ADGRF5: variants seen among roughly 807,000 people sequenced by gnomAD.
ADGRF5 encodes the protein G-protein coupled receptor 116.
Under a neutral mutation model 132.3 loss-of-function variants are expected in ADGRF5, and 75 were observed. The observed-to-expected ratio is 0.57, with a 90% CI of 0.47 to 0.69. ADGRF5 has a LOEUF of 0.69. Among genes scored for constraint, ADGRF5 ranks in the 30% least tolerant of loss-of-function variants. ADGRF5 has a pLI of 0.00. For missense variants in ADGRF5, 1,516 were observed against 1,630.6 expected (o/e 0.93, Z 1.21); for synonymous variants, 629 against 597.6 (o/e 1.05, Z -0.77).
At position 46,913,871 on chromosome 6, in the gene ADGRF5, T is replaced by C. The variant is rs190488860; in HGVS notation, c.-24-7085A>G. ...ATTAGTACAAAATCAAGGGAAATCA[T>C]ACCTCTTACTAAACCTTGGCCTGCA... On this transcript the variant is annotated intron_variant, in intron 1 of 20. Transcript: ENST00000283296. Among the ~76,000 whole-genome samples the C allele has an allele frequency of 3.9e-5, 6 of 152,338 alleles. No individual in the cohort carries two copies. The South Asian group carries it at 6.2e-4, about 16-fold the overall frequency.
chr6:46,907,584 G>T (rs1205991970), intron 1 of ADGRF5, among the ~76,000 whole-genome samples: 1 of 151,992 alleles, frequency 6.6e-6, no homozygotes, highest in Non-Finnish European at 1.5e-5. Flanking sequence ...AATCATTTTT[G>T]ACATTTTTTC....
In ADGRF5 at chr6:46,906,713, T is replaced by A. The variant is rs1775416196; in HGVS notation, c.50A>T (p.Tyr17Phe). 1 of 1,608,768 alleles carries A rather than the reference T, an allele frequency of 6.2e-7. No individual in the cohort carries two copies. The highest frequency in any genetic ancestry group is 8.5e-7 in the Non-Finnish European group (1 of 1,175,166). ...TTLCLMFIVI[Y>F]SSKAALNWNY... is the part of the protein sequence containing the mutation. ...CCAGTTCAGTGCAGCTTTGGAAGAATAAATCACAATAAACATGAGGCACAA... is the reference window on the plus strand; with the variant it reads ...CCAGTTCAGTGCAGCTTTGGAAGAAAAAATCACAATAAACATGAGGCACAA... The change falls in exon 2 of 21, where the codon TAT (tyrosine) becomes TTT (phenylalanine). Residue 17 changes from tyrosine to phenylalanine, a missense_variant. Coordinates refer to ENST00000283296, the MANE Select transcript of ADGRF5 (RefSeq NM_001098518.2).
At chr6:46,951,958 A>G (rs761752) in intron 1 of ADGRF5, among the ~76,000 whole-genome samples, 103,228 of 152,092 alleles carry the variant, frequency 0.68, 35,286 homozygotes, top group East Asian at 0.86. Context: ...CTTCCAAATT[A>G]CCATGAAGCA....
At chr6:46,942,422 C>T (rs1232947088) in intron 1 of ADGRF5, among the ~76,000 whole-genome samples, 4 of 152,210 alleles carry the variant, frequency 2.6e-5, no homozygotes, top group Admixed American at 2.6e-4. Flanking sequence ...AAAGCATGGG[C>T]TATGGCATGA....
At chr6:46,928,616 A>G (rs978051499) in intron 1 of ADGRF5, among the ~76,000 whole-genome samples, 1 of 152,068 alleles carries the variant, frequency 6.6e-6, no homozygotes, top group African/African-American at 2.4e-5. Flanking sequence ...GGGATAACAA[A>G]CATATTCCAC....
chr6:46,912,191 T>A (rs776653546), intron 1 of ADGRF5, among the ~76,000 whole-genome samples: 1 of 152,170 alleles, frequency 6.6e-6, no homozygotes, highest in Non-Finnish European at 1.5e-5. Context: ...CAAGAGCCCA[T>A]CCCTTTAACC....
chr6:46,905,950 G>T (rs1447395665), intron 2 of ADGRF5, among the ~76,000 whole-genome samples: 3 of 152,178 alleles, frequency 2.0e-5, no homozygotes. Context: ...TTGTACAGAT[G>T]AAGAAATTGA....
Position 46,893,969 on chromosome 6 carries a change from C to T in ADGRF5, c.158-5464G>A, listed in dbSNP as rs1773923019. On this transcript the variant is annotated intron_variant, in intron 3 of 20. Coordinates refer to ENST00000283296, the MANE Select transcript of ADGRF5 (RefSeq NM_001098518.2). Reference sequence around the variant, plus strand: ...TCTTAATCACAGCTGTTTAAGCAAACAATTCTACTTTTGCCTGGAAACACT... The same window carrying T: ...TCTTAATCACAGCTGTTTAAGCAAATAATTCTACTTTTGCCTGGAAACACT... Among the ~76,000 whole-genome samples, 3 of 152,320 alleles carry T rather than the reference C, an allele frequency of 2.0e-5. No individual in the cohort carries two copies. The South Asian group carries it at 6.2e-4, about 32-fold the overall frequency.
intron 12 of ADGRF5, 61 bp downstream of exon 12, chr6:46,868,822 C>T (rs1770743910): frequency 1.9e-6 from 2 of 1,047,482 alleles, no homozygotes; most frequent in Non-Finnish European, 2.9e-6. Context: ...CAGATGGTAA[C>T]TATTATTGCA....
At chr6:46,918,378 A>C (rs893554087) in intron 1 of ADGRF5, among the ~76,000 whole-genome samples, 3 of 152,224 alleles carry the variant, frequency 2.0e-5, no homozygotes, top group Non-Finnish European at 4.4e-5. Context: ...AAGAAATGTC[A>C]GTGGGGAAAA....
rs546633721 is a variant in ADGRF5, at chr6:46,920,960, T to G, written c.-25+753A>C. 1.7e-3 allele frequency among the ~76,000 whole-genome samples: 264 copies of G among 152,300 alleles called. 1 individual carries two copies. Among genetic ancestry groups the G allele is most frequent in the Admixed American group, 4.5e-3 (69 of 15,296 alleles). ...TGTGTAATTCAAAAATAACCTACATTGAAAAACCAACTACGTTAGCCCTTT... is the reference window on the plus strand; with the variant it reads ...TGTGTAATTCAAAAATAACCTACATGGAAAAACCAACTACGTTAGCCCTTT... On this transcript the variant is annotated intron_variant, in intron 1 of 20. Coordinates refer to ENST00000283296, the MANE Select transcript of ADGRF5 (RefSeq NM_001098518.2).
chr6:46,953,222 A>G (rs1173469376), intron 1 of ADGRF5, among the ~76,000 whole-genome samples: 1 of 152,198 alleles, frequency 6.6e-6, no homozygotes, highest in Non-Finnish European at 1.5e-5. Flanking sequence ...TGGGGAGGGA[A>G]TAAAGAATTT....
chr6:46,884,344 A>T (rs1554202796), intron 4 of ADGRF5, 73 bp from the exon 5 acceptor site: 16 of 1,182,934 alleles, frequency 1.4e-5, no homozygotes, highest in Non-Finnish European at 1.8e-5. Flanking sequence ...TATAGCCTGC[A>T]GGTATTCATT....
intron 1 of ADGRF5, among the ~76,000 whole-genome samples, chr6:46,949,361 G>A (rs921954621): frequency 2.6e-5 from 4 of 152,166 alleles, no homozygotes; most frequent in African/African-American, 9.7e-5. Context: ...AGAAAGCTCT[G>A]GGGCTGCCTG....
intron 3 of ADGRF5, among the ~76,000 whole-genome samples, chr6:46,899,481 G>A (rs545310533): frequency 6.6e-6 from 1 of 152,006 alleles, no homozygotes; most frequent in African/African-American, 2.4e-5. Flanking sequence ...TTTGAGGGTC[G>A]GTGTTTCAGA....
intron 11 of ADGRF5, chr6:46,870,884 T>C (rs1214055287): frequency 9.2e-6 from 4 of 432,762 alleles, no homozygotes; most frequent in Middle Eastern, 3.3e-4. Flanking sequence ...TTTTCTGTAG[T>C]GAGAACAGTT....
At chr6:46,911,187 C>T (rs983550062) in intron 1 of ADGRF5, among the ~76,000 whole-genome samples, 1 of 152,122 alleles carries the variant, frequency 6.6e-6, no homozygotes, top group African/African-American at 2.4e-5. Flanking sequence ...TCAATTTTTC[C>T]CTGCTTTCAG....
At chr6:46,879,084 T>G (rs902528608) in intron 9 of ADGRF5, among the ~76,000 whole-genome samples, 44 of 152,092 alleles carry the variant, frequency 2.9e-4, no homozygotes. Flanking sequence ...TCAAGACTTT[T>G]TAAATATGTA....
rs559637418 is a variant in ADGRF5 at position 46,906,565 on chromosome 6, G to A, written c.102+96C>T. On this transcript the variant is annotated intron_variant, in intron 2 of 20. Coordinates refer to ENST00000283296, the MANE Select transcript of ADGRF5 (RefSeq NM_001098518.2). The stretch of plus-strand genomic sequence containing the variant: ...GAAGAATGTTTTTTCTCCCCCTAAA[G>A]TTTTTTCTCCTTAAACTTTTTGTAA... 260 of 722,612 alleles carry A rather than the reference G, an allele frequency of 3.6e-4. 4 individuals are homozygous for A. The South Asian group carries it at 3.9e-3, about 11-fold the overall frequency. 44.8% of individuals were successfully genotyped at this position (722,612 alleles called of 1,614,324 possible). A position where few individuals can be genotyped will look rare whatever the true frequency, so the allele number is the denominator to read the frequency against.
Sources: allele counts gnomAD v4.1 joint callset (sites outside exome capture counted in the v4.1 genomes callset), GRCh38; gene constraint gnomAD v4.1.1; transcripts MANE v1.5; gene names NCBI Gene and HGNC (gene_info 2026-07-23, HGNC 2026-07-21).